Variants in IL17RB observed in about 807,000 individuals in gnomAD.
IL17RB encodes interleukin 17 receptor B.
A neutral mutation model predicts 43.9 loss-of-function variants in IL17RB; 36 were observed. The ratio of observed to expected loss-of-function variants is 0.82; its 90% CI spans 0.63 to 1.08. The LOEUF is 1.08. IL17RB is among the 50% of genes least tolerant of loss of function. IL17RB has a pLI of 0.00. For missense variants in IL17RB, 613 were observed against 613.6 expected, an observed-to-expected ratio of 1.00 and a Z score of 0.01; for synonymous variants, 225 against 225.4, an observed-to-expected ratio of 1.00 and a Z score of 0.02.
chr3:53,857,668 A>G lies in IL17RB; in HGVS notation c.725A>G (p.Asp242Gly). Residue 242 changes from aspartate (D) to glycine (G), a missense_variant, in exon 8 of 11, where the codon GAT becomes GGT. Asp to Gly is a moderately conservative substitution (Grantham distance 94). Coordinates refer to ENST00000288167, the MANE Select transcript of IL17RB (RefSeq NM_018725.4). The part of the protein sequence containing the change: ...RASVVIPVTG[D>G]SEGATVQLTP... Reference sequence around the variant, plus strand: ...TCAGTGGTGATTCCAGTGACTGGGGATAGTGAAGGTGCTACGGTGCAGGTA... The same window carrying G: ...TCAGTGGTGATTCCAGTGACTGGGGGTAGTGAAGGTGCTACGGTGCAGGTA... The G allele has an allele frequency of 6.2e-7, 1 of 1,614,124 alleles. No homozygotes were observed. The highest frequency in any genetic ancestry group is 1.6e-4 in the Middle Eastern group (1 of 6,062).
chr3:53,850,381 C>A (rs1699092324), intron 3 of IL17RB, among the ~76,000 whole-genome samples: 1 of 151,688 alleles, frequency 6.6e-6, no homozygotes, highest in Non-Finnish European at 1.5e-5. Flanking sequence ...CCTGTAATCC[C>A]AGCTACTCGG....
At chr3:53,851,065 T>G (rs1434487420) in intron 3 of IL17RB, among the ~76,000 whole-genome samples, 13 of 152,220 alleles carry the variant, frequency 8.5e-5, no homozygotes, top group Non-Finnish European at 4.4e-5. Context: ...GATAGATTAC[T>G]TTTCCACTTC....
chr3:53,849,913 G>A (rs534862298), intron 3 of IL17RB, 118 bp downstream of exon 3: 35 of 961,422 alleles, frequency 3.6e-5, no homozygotes, highest in African/African-American at 6.7e-5. Flanking sequence ...ATGCATACAC[G>A]CACCAAAAGC....
In IL17RB at chr3:53,849,784, T is replaced by C. The variant is rs1699068113; in HGVS notation, c.215T>C (p.Leu72Pro). Reference protein sequence around the residue: ...YSILMNVSWVLRADASIRLLK... With the variant: ...YSILMNVSWVPRADASIRLLK... ...ATTTTGATGAATGTAAGCTGGGTAC[T>C]CCGGGCAGATGGTAAGTTTGCATCC... The change falls in exon 3 of 11, where the codon CTC becomes CCC. Residue 72 changes from leucine to proline, a missense_variant. By Grantham distance (98) the Leu-to-Pro change is moderately conservative. Coordinates refer to ENST00000288167, the MANE Select transcript of IL17RB (RefSeq NM_018725.4). 1 of 1,600,104 alleles carries C rather than the reference T, an allele frequency of 6.2e-7. No individual in the cohort carries two copies. The highest frequency in any genetic ancestry group is 8.5e-7 in the Non-Finnish European group (1 of 1,170,948).
Position 53,865,257 on chromosome 3 carries a change from G to A in IL17RB, c.1458G>A (p.Val486=), listed in dbSNP as rs764263051. The change falls in exon 11 of 11, where the codon GTG becomes GTA. Residue 486 remains valine (V), a synonymous_variant. Coordinates refer to ENST00000288167, the MANE Select transcript of IL17RB (RefSeq NM_018725.4). ...CAELLHVKQQ[V]SAGKRSQACH... ...AACTTCTCCATGTCAAGCAGCAGGT[G>A]TCAGCAGGAAAAAGATCACAAGCCT... 5 of 1,611,758 alleles carry A rather than the reference G, an allele frequency of 3.1e-6. No individual in the cohort carries two copies. In the African/African-American group the frequency reaches 4.0e-5, roughly 13 times the overall value.
At chr3:53,848,123 C>T (rs1276330558) in intron 1 of IL17RB, among the ~76,000 whole-genome samples, 1 of 152,232 alleles carries the variant, frequency 6.6e-6, no homozygotes, top group Non-Finnish European at 1.5e-5. Flanking sequence ...TTCTTGAACA[C>T]TAATAATTGC....
chr3:53,846,585 G>A lies in IL17RB; in HGVS notation c.-4G>A, dbSNP rs1339407406. 4.4e-6 allele frequency: 7 copies of A among 1,578,544 alleles called. No individual in the cohort carries two copies. Among genetic ancestry groups the A allele is most frequent in the African/African-American group, 1.4e-5 (1 of 72,948 alleles). ...TGGCCTGGATCCCGCGCAGTGGCCC[G>A]GCGATGTCGCTCGTGCTGCTAAGCC... is the stretch of plus-strand genomic sequence containing the variant. On this transcript the variant is annotated 5_prime_UTR_variant, in exon 1 of 11. Transcript: ENST00000288167.
intron 5 of IL17RB, among the ~76,000 whole-genome samples, chr3:53,854,838 GT>G (rs879520517): frequency 2.0e-5 from 3 of 152,170 alleles, no homozygotes; most frequent in Admixed American, 6.6e-5. Context: ...ATGATGGATG[GT>G]TTTCGAGTCC....
At chr3:53,860,258 T>A (rs754861405) in intron 10 of IL17RB, 30 bp downstream of exon 10, 1 of 1,536,382 alleles carries the variant, frequency 6.5e-7, no homozygotes. Flanking sequence ...AAAGACATCC[T>A]AGTAAGGAAA....
At chr3:53,846,830 G>A (rs1424656022) in intron 1 of IL17RB, among the ~76,000 whole-genome samples, 182 bp downstream of exon 1, 1 of 152,216 alleles carries the variant, frequency 6.6e-6, no homozygotes, top group Non-Finnish European at 1.5e-5. Context: ...CAGGGGCGTG[G>A]GAATCAGACA....
intron 6 of IL17RB, 72 bp downstream of exon 6, chr3:53,855,413 C>A: frequency 9.3e-7 from 1 of 1,077,696 alleles, no homozygotes; most frequent in Middle Eastern, 2.0e-4. Flanking sequence ...CTCTCTTCAT[C>A]TTTGCACAGA....
At chr3:53,861,171 T>C (rs983369142) in intron 10 of IL17RB, 51 of 152,234 alleles carry the variant, frequency 3.4e-4, no homozygotes, top group African/African-American at 1.2e-3. Context: ...AGTGGTTCTC[T>C]GGTATTTTTC....
At chr3:53,847,803 G>GA (rs11427758) in intron 1 of IL17RB, among the ~76,000 whole-genome samples, 86,260 of 151,210 alleles carry the variant, frequency 0.57, 24,964 homozygotes, top group Non-Finnish European at 0.64. Flanking sequence ...TCAGAAAAAG[G>GA]AAAAAAAAAT....
At chr3:53,861,213 ACAC>A (rs1699551579) in intron 10 of IL17RB, 1 of 152,150 alleles carries the variant, frequency 6.6e-6, no homozygotes. Context: ...ACCTTCAATA[ACAC>A]CTTAGGACCC....
chr3:53,852,329 G>A (rs1254520755), intron 4 of IL17RB, among the ~76,000 whole-genome samples: 1 of 152,004 alleles, frequency 6.6e-6, no homozygotes, highest in South Asian at 2.1e-4. Flanking sequence ...TTTTGTAGAG[G>A]GGGGTTTCAC....
chr3:53,852,811 G>A (rs978396397), intron 4 of IL17RB, 60 bp from the exon 5 acceptor site: 68 of 1,550,480 alleles, frequency 4.4e-5, no homozygotes, highest in Non-Finnish European at 5.6e-5. Context: ...ACACACTAAG[G>A]TATACTGTTT....
chr3:53,859,058 G>A, intron 9 of IL17RB: 1 of 415,556 alleles, frequency 2.4e-6, no homozygotes, highest in Non-Finnish European at 4.3e-6. Context: ...ATACACAGAA[G>A]GGAAAAAAAT....
At chr3:53,852,534 A>G (rs533101380) in intron 4 of IL17RB, among the ~76,000 whole-genome samples, 1 of 152,334 alleles carries the variant, frequency 6.6e-6, no homozygotes, top group African/African-American at 2.4e-5. Context: ...GTAAATAGCT[A>G]TGACTCAGAG....
Position 53,864,939 on chromosome 3 carries a change from G to A in IL17RB, c.1140G>A (p.Gln380=). Residue 380 remains glutamine (Q), a synonymous_variant, in exon 11 of 11, where the codon CAG becomes CAA. Coordinates refer to ENST00000288167, the MANE Select transcript of IL17RB (RefSeq NM_018725.4). ...AAATAGCAGAGATGGGTCCAGTGCA[G>A]TGGCTTGCCACTCAAAAGAAGGCAG... ...KKKIAEMGPV[Q]WLATQKKAAD... 1.2e-6 allele frequency: 2 copies of A among 1,614,194 alleles called. No individual in the cohort carries two copies. The highest frequency in any genetic ancestry group is 1.1e-5 in the South Asian group (1 of 91,080).
Sources: gnomAD v4.1 joint callset for allele counts (sites outside exome capture counted in the v4.1 genomes callset) on GRCh38, gnomAD v4.1.1 for gene constraint, MANE v1.5 for transcripts, NCBI Gene and HGNC (gene_info 2026-07-23, HGNC 2026-07-21) for gene names.